AK5: variants seen among roughly 807,000 people sequenced by gnomAD.
AK5 encodes adenylate kinase 5.
AK5 carries 27 observed loss-of-function variants against 69.5 expected under a neutral mutation model. The ratio of observed to expected loss-of-function variants is 0.39; its 90% CI spans 0.29 to 0.54. The LOEUF (loss-of-function observed/expected upper bound fraction) is 0.54. AK5 is among the 20% of genes least tolerant of loss of function. The pLI is 0.71. For missense variants in AK5, 531 were observed against 700.4 expected (o/e 0.76, Z 2.73); for synonymous variants, 260 against 244.4 (o/e 1.06, Z -0.60).
chr1:77,385,625 T>G (rs1263917892), intron 6 of AK5, among the ~76,000 whole-genome samples: 1 of 152,220 alleles, frequency 6.6e-6, no homozygotes, highest in Non-Finnish European at 1.5e-5. Context: ...AGGAAAGCTT[T>G]CAATATGAAT....
chr1:77,527,317 T>C (rs2100333884), intron 12 of AK5, among the ~76,000 whole-genome samples: 1 of 152,286 alleles, frequency 6.6e-6, no homozygotes, highest in African/African-American at 2.4e-5. Flanking sequence ...AGCTCAGAGC[T>C]CTATGCAGCC....
intron 9 of AK5, among the ~76,000 whole-genome samples, chr1:77,483,585 C>T (rs1655405672): frequency 6.6e-6 from 1 of 152,122 alleles, no homozygotes; most frequent in African/African-American, 2.4e-5. Flanking sequence ...GCCCAGAGAA[C>T]ATGATTCCCG....
chr1:77,549,671 T>A (rs1455521068), intron 13 of AK5, among the ~76,000 whole-genome samples: 1 of 152,186 alleles, frequency 6.6e-6, no homozygotes, highest in Non-Finnish European at 1.5e-5. Flanking sequence ...AATATTTAGC[T>A]CTCAGAAATA....
At chr1:77,475,415 A>G (rs1453656288) in intron 8 of AK5, among the ~76,000 whole-genome samples, 1 of 3,604 alleles carries the variant, frequency 2.8e-4, no homozygotes, top group Non-Finnish European at 2.0e-3. Flanking sequence ...ATGTATATAT[A>G]TACTATATAT....
In AK5 at chr1:77,519,928, G is replaced by T. The variant is rs76957700; in HGVS notation, c.1311+1201G>T. ...GACTTAGAATGCTTAACCTGGCAGGGCGCAGTGGCTCATGCCTGTAATCCC... is the reference window on the plus strand; with the variant it reads ...GACTTAGAATGCTTAACCTGGCAGGTCGCAGTGGCTCATGCCTGTAATCCC... On this transcript the variant is annotated intron_variant, in intron 11 of 13. Transcript: ENST00000354567. Among the ~76,000 whole-genome samples, 598 of 152,298 alleles carry T rather than the reference G, an allele frequency of 3.9e-3. 17 individuals carry two copies. The highest frequency in any genetic ancestry group is 0.026 in the Admixed American group (395 of 15,308).
chr1:77,477,534 T>C (rs1655021984), intron 8 of AK5, among the ~76,000 whole-genome samples: 1 of 152,226 alleles, frequency 6.6e-6, no homozygotes, highest in Non-Finnish European at 1.5e-5. Context: ...TCATGGTTCA[T>C]GATTCTTCCA....
intron 6 of AK5, among the ~76,000 whole-genome samples, chr1:77,358,484 A>C (rs1309405143): frequency 6.6e-6 from 1 of 152,212 alleles, no homozygotes; most frequent in Non-Finnish European, 1.5e-5. Flanking sequence ...TTGATTAAGC[A>C]GCTGCAGAAC....
chr1:77,508,799 G>A (rs2133204), intron 10 of AK5, among the ~76,000 whole-genome samples: 57,715 of 151,194 alleles, frequency 0.38, 11,403 homozygotes, highest in Middle Eastern at 0.51. Flanking sequence ...CCCTGGTGGC[G>A]GAGGTTGCAG....
intron 6 of AK5, among the ~76,000 whole-genome samples, chr1:77,367,557 T>TATATATATATATATATATA (rs1557532485): frequency 1.7e-5 from 1 of 59,378 alleles, no homozygotes; most frequent in Non-Finnish European, 2.8e-5. Context: ...TATGTTATTT[T>TATATATATATATATATATA]TATATATATA....
chr1:77,486,397 A>G (rs1655592511), intron 10 of AK5, 45 bp downstream of exon 10: 3 of 1,485,840 alleles, frequency 2.0e-6, no homozygotes, highest in Non-Finnish European at 1.9e-6. Context: ...ATTGCTAATA[A>G]TAAGAATTTG....
At chr1:77,517,176 T>C (rs1657702059) in intron 10 of AK5, among the ~76,000 whole-genome samples, 1 of 151,440 alleles carries the variant, frequency 6.6e-6, no homozygotes, top group Non-Finnish European at 1.5e-5. Context: ...ATTTGAATTT[T>C]ACTCTGGGAG....
chr1:77,352,093 C>A (rs1662242794), intron 6 of AK5, among the ~76,000 whole-genome samples: 1 of 151,986 alleles, frequency 6.6e-6, no homozygotes. Context: ...CCATGCCCGG[C>A]TAATTTTTGT....
At chr1:77,433,183 C>A (rs1651751224) in intron 8 of AK5, among the ~76,000 whole-genome samples, 2 of 152,114 alleles carry the variant, frequency 1.3e-5, no homozygotes, top group Non-Finnish European at 2.9e-5. Flanking sequence ...AGGTTCTGAT[C>A]AGATCTACAG....
intron 5 of AK5, among the ~76,000 whole-genome samples, chr1:77,303,314 G>A (rs1340756105): frequency 6.6e-6 from 1 of 152,120 alleles, no homozygotes; most frequent in Non-Finnish European, 1.5e-5. Flanking sequence ...TCATTTATAT[G>A]TGCTATATCT....
intron 8 of AK5, among the ~76,000 whole-genome samples, chr1:77,463,570 TAAA>T (rs3077577): frequency 0.053 from 7,767 of 147,366 alleles, 296 homozygotes; most frequent in Non-Finnish European, 0.08. Context: ...TGTTTAGCTT[TAAA>T]AAAAAAAAAA....
At chr1:77,460,723 ATT>A (rs71588898) in intron 8 of AK5, among the ~76,000 whole-genome samples, 47 of 149,408 alleles carry the variant, frequency 3.1e-4, no homozygotes, top group Non-Finnish European at 4.0e-4. Context: ...TTTATGTGGA[ATT>A]TTTTTTTTTT....
chr1:77,487,762 C>T (rs1196014809), intron 10 of AK5, among the ~76,000 whole-genome samples: 1 of 152,212 alleles, frequency 6.6e-6, no homozygotes, highest in Non-Finnish European at 1.5e-5. Context: ...CCAGGCTTCT[C>T]CCTCCTCTGC....
Position 77,367,629 on chromosome 1 carries a change from TAA to T in AK5, c.891+27062_891+27063del, listed in dbSNP as rs1491424998. On this transcript the variant is annotated intron_variant, in intron 6 of 13. Transcript: ENST00000354567. Reference sequence around the variant, plus strand: ...ATATGTAATATATATGTTATATATGTAATATATATGTTATGTTATATATGTTA... The same window carrying T: ...ATATGTAATATATATGTTATATATGTTATATATGTTATGTTATATATGTTA... 5.5e-4 allele frequency among the ~76,000 whole-genome samples: 55 copies of T among 100,392 alleles called. 5 individuals carry two copies. In the South Asian group the frequency reaches 0.014, roughly 25 times the overall value. 65.9% of individuals were successfully genotyped at this position (100,392 alleles called of 152,430 possible). A position where few individuals can be genotyped will look rare whatever the true frequency, so the allele number is the denominator to read the frequency against.
At chr1:77,516,652 T>C (rs1657661131) in intron 10 of AK5, among the ~76,000 whole-genome samples, 1 of 144,830 alleles carries the variant, frequency 6.9e-6, no homozygotes, top group Admixed American at 6.9e-5. Context: ...GAAAAGTCTG[T>C]GTGGGCATAG....
Sources: allele counts gnomAD v4.1 joint callset (sites outside exome capture counted in the v4.1 genomes callset), GRCh38; gene constraint gnomAD v4.1.1; transcripts MANE v1.5; gene names NCBI Gene and HGNC (gene_info 2026-07-23, HGNC 2026-07-21).